The following TAGAP variants were observed in gnomAD, a reference collection of about 807,000 sequenced individuals.
The protein encoded by TAGAP is T cell activation RhoGTPase activating protein, also known as T-cell activation Rho GTPase-activating protein.
Under a neutral mutation model 36.0 loss-of-function variants are expected in TAGAP, and 16 were observed. The observed-to-expected ratio is 0.44, with a 90% CI of 0.30 to 0.68. The LOEUF (loss-of-function observed/expected upper bound fraction) is 0.68. TAGAP is among the 30% of genes least tolerant of loss of function. The probability of loss-of-function intolerance (pLI) is 0.09; values close to 1 mark genes in which losing one functional copy is unlikely to be tolerated. For missense variants in TAGAP, 794 were observed against 921.5 expected (o/e 0.86, Z 1.79); for synonymous variants, 372 against 377.4 (o/e 0.99, Z 0.17).
rs1046769287 is a variant in TAGAP, at chr6:159,036,253, A to G, written c.1770T>C (p.Pro590=). The G allele has an allele frequency of 3.1e-6, 5 of 1,611,994 alleles. No homozygotes were observed. The African/African-American group carries it at 5.4e-5, about 17-fold the overall frequency. The part of the protein sequence containing the change: ...DVFQGADWER[P]GSPPSYEEAM... Reference sequence around the variant, plus strand: ...CCTCTTCATAAGAGGGTGGGCTTCCAGGCCTCTCCCAGTCAGCTCCCTGGA... The same window carrying G: ...CCTCTTCATAAGAGGGTGGGCTTCCGGGCCTCTCCCAGTCAGCTCCCTGGA... The change falls in exon 10 of 10, where the codon CCT becomes CCC. Residue 590 remains proline (P), a synonymous_variant. Transcript: ENST00000367066. The surrounding 1 kb of genome is among the most constrained non-coding windows in gnomAD (Gnocchi z 4.9).
At chr6:159,044,503 A>G (rs142020118) in intron 1 of TAGAP, among the ~76,000 whole-genome samples, 48 of 152,328 alleles carry the variant, frequency 3.2e-4, no homozygotes, top group East Asian at 1.3e-3. Context: ...CGTTCCATCA[A>G]GAGATAATCT....
At position 159,036,262 on chromosome 6, in the gene TAGAP, C is replaced by T. The variant is rs1779531788; in HGVS notation, c.1761G>A (p.Trp587Ter). The change falls in exon 10 of 10, where the codon TGG (tryptophan) becomes TGA (stop). Residue 587 changes from tryptophan (W) to a stop codon, truncating the protein, a stop_gained. Transcript: ENST00000367066. LOFTEE classifies it low-confidence loss of function (END_TRUNC). This position sits in a 1 kb window ranked among gnomAD's most constrained non-coding sequence, Gnocchi z 4.9. Reference protein sequence around the residue: ...SVDDVFQGADWERPGSPPSYE... With the variant: ...SVDDVFQGAD Reference sequence around the variant, plus strand: ...AAGAGGGTGGGCTTCCAGGCCTCTCCCAGTCAGCTCCCTGGAACACATCAT... The same window carrying T: ...AAGAGGGTGGGCTTCCAGGCCTCTCTCAGTCAGCTCCCTGGAACACATCAT... The T allele has an allele frequency of 6.2e-7, 1 of 1,612,582 alleles. No individual in the cohort carries two copies. The highest frequency in any genetic ancestry group is 1.7e-5 in the Admixed American group (1 of 59,984).
chr6:159,042,468 C>G (rs557729491), intron 4 of TAGAP: 1 of 887,838 alleles, frequency 1.1e-6, no homozygotes, highest in East Asian at 3.0e-5. Flanking sequence ...GTTCCCTAAA[C>G]AGCAACACCA....
At chr6:159,038,565 T>G (rs1290756590) in intron 8 of TAGAP, among the ~76,000 whole-genome samples, 3 of 151,982 alleles carry the variant, frequency 2.0e-5, no homozygotes, top group Admixed American at 6.6e-5. Context: ...ATTTTTTCTA[T>G]TTTTAGTGGA....
rs1779524072 is a variant in TAGAP, at chr6:159,036,120, G to T, written c.1903C>A (p.Pro635Thr). Residue 635 changes from proline to threonine, a missense_variant, in exon 10 of 10, where the codon CCC becomes ACC. Transcript: ENST00000367066. This position sits in a 1 kb window ranked among gnomAD's most constrained non-coding sequence, Gnocchi z 4.9. ...ACGTGGTGAGCAGGTGGAAGAGGGG[G>T]TAGGAGGCAGTGCGCCTCCAGCATC... ...ARMLEAHCLLPPLPPAHHVED... is the reference protein window; with the variant it reads ...ARMLEAHCLLTPLPPAHHVED... 6.2e-7 allele frequency: 1 copy of T among 1,613,756 alleles called. No homozygotes were observed. Among genetic ancestry groups the T allele is most frequent in the Non-Finnish European group, 8.5e-7 (1 of 1,179,862 alleles).
At position 159,041,443 on chromosome 6, in the gene TAGAP, C is replaced by A; in HGVS notation, c.388G>T (p.Ala130Ser). 2 of 1,614,196 alleles carry A rather than the reference C, an allele frequency of 1.2e-6. No homozygotes were observed. Among genetic ancestry groups the A allele is most frequent in the Non-Finnish European group, 1.7e-6 (2 of 1,180,034 alleles). Residue 130 changes from alanine to serine, a missense_variant, in exon 6 of 10, where the codon GCC becomes TCC. By Grantham distance (99) the Ala-to-Ser change is moderately conservative (BLOSUM62 1). Transcript: ENST00000367066. This position sits in a 1 kb window ranked among gnomAD's most constrained non-coding sequence, Gnocchi z 4.1. The stretch of plus-strand genomic sequence containing the variant: ...AGCTCCTCCTTCAGCTCCTTACGGG[C>A]TTTCTCGTTGGCTGCTCTCCTGAAT... ...GIFRRAANEK[A>S]RKELKEELNS...
Position 159,041,023 on chromosome 6 carries a change from A to C in TAGAP, c.478-191T>G, listed in dbSNP as rs985000109. The C allele has an allele frequency of 1.0e-5, 6 of 590,864 alleles. No individual in the cohort carries two copies. The highest frequency in any genetic ancestry group is 6.1e-5 in the Admixed American group (2 of 32,644). The allele number at this position is 590,864 out of a possible 1,614,324, so 36.6% of individuals were successfully genotyped here. ...ACCCTTGGCCTCTCTGCAACTTTCT[A>C]ACATCAGGCAGAGTCAGAGGCACCA... On this transcript the variant is annotated intron_variant, in intron 6 of 9. Transcript: ENST00000367066. This position sits in a 1 kb window ranked among gnomAD's most constrained non-coding sequence, Gnocchi z 4.1.
intron 7 of TAGAP, among the ~76,000 whole-genome samples, chr6:159,040,046 T>G (rs187937967): frequency 5.7e-4 from 87 of 152,356 alleles, no homozygotes; most frequent in Non-Finnish European, 1.1e-3. Flanking sequence ...TTGAAAGTAT[T>G]TAGCCATGTG....
At chr6:159,042,476 C>A (rs1018471834) in intron 4 of TAGAP, 2 of 814,984 alleles carry the variant, frequency 2.5e-6, no homozygotes, top group African/African-American at 1.7e-5. Flanking sequence ...AACAGCAACA[C>A]CAGAGTTCCT....
rs4709264 is a variant in TAGAP at position 159,035,179 on chromosome 6, C to A, written c.*648G>T. On this transcript the variant is annotated 3_prime_UTR_variant, in exon 10 of 10. Coordinates refer to ENST00000367066, the MANE Select transcript of TAGAP (RefSeq NM_054114.5). ...TAATACATTTTCATTAATCTACCCACATTTAATTGGATGATTGAAAGGACA... is the reference window on the plus strand; with the variant it reads ...TAATACATTTTCATTAATCTACCCAAATTTAATTGGATGATTGAAAGGACA... 0.15 allele frequency: 23,106 copies of A among 152,260 alleles called. 2,268 individuals carry two copies. Among genetic ancestry groups the A allele is most frequent in the East Asian group, 0.39 (2,089 of 5,300 alleles). The allele number at this position is 152,260 out of a possible 1,614,324, so 9.4% of individuals were successfully genotyped here.
Position 159,036,637 on chromosome 6 carries a change from G to A in TAGAP, c.1386C>T (p.Ser462=). 5.0e-6 allele frequency: 8 copies of A among 1,614,154 alleles called. No individual in the cohort carries two copies. The highest frequency in any genetic ancestry group is 6.8e-6 in the Non-Finnish European group (8 of 1,180,002). Residue 462 remains serine (S), a synonymous_variant, in exon 10 of 10, where the codon AGC becomes AGT. Coordinates refer to ENST00000367066, the MANE Select transcript of TAGAP (RefSeq NM_054114.5). This position sits in a 1 kb window ranked among gnomAD's most constrained non-coding sequence, Gnocchi z 4.9. The part of the protein sequence containing the change: ...PRALVLKAFS[S]SSLDASSDSS... ...TGTCAGAGGACGCGTCCAGCGAGCT[G>A]CTGGAGAAGGCTTTGAGAACCAGTG...
chr6:159,035,651 C>T lies in TAGAP; in HGVS notation c.*176G>A. On this transcript the variant is annotated 3_prime_UTR_variant, in exon 10 of 10. Coordinates refer to ENST00000367066, the MANE Select transcript of TAGAP (RefSeq NM_054114.5). ...TTTACATATTGCACAAATCCAGGTA[C>T]ACAGAGACTATCTGATGCGCCATGG... 1 of 598,664 alleles carries T rather than the reference C, an allele frequency of 1.7e-6. No homozygotes were observed. The highest frequency in any genetic ancestry group is 3.0e-5 in the Admixed American group (1 of 32,804). The allele number at this position is 598,664 out of a possible 1,614,324, so 37.1% of individuals were successfully genotyped here.
chr6:159,037,995 C>T lies in TAGAP; in HGVS notation c.898+119G>A. The T allele has an allele frequency of 2.9e-6, 2 of 682,742 alleles. No homozygotes were observed. The highest frequency in any genetic ancestry group is 5.2e-6 in the Non-Finnish European group (2 of 386,132). The allele number at this position is 682,742 out of a possible 1,614,324, so 42.3% of individuals were successfully genotyped here. On this transcript the variant is annotated intron_variant, in intron 9 of 9. Transcript: ENST00000367066. This position sits in a 1 kb window ranked among gnomAD's most constrained non-coding sequence, Gnocchi z 5.1. Reference sequence around the variant, plus strand: ...ACTTCCTAATGGACTGGAGTCTAGTCTGACTCGGTGATTTGTGAAGGTAAC... The same window carrying T: ...ACTTCCTAATGGACTGGAGTCTAGTTTGACTCGGTGATTTGTGAAGGTAAC...
In TAGAP at chr6:159,039,150, G is replaced by T. The variant is rs1779659722; in HGVS notation, c.747C>A (p.Ser249Arg). 5.0e-6 allele frequency: 8 copies of T among 1,614,148 alleles called. No homozygotes were observed. The highest frequency in any genetic ancestry group is 4.4e-5 in the South Asian group (4 of 91,082). The change falls in exon 8 of 10, where the codon AGC becomes AGA. Residue 249 changes from serine to arginine, a missense_variant. Ser to Arg is a moderately radical substitution (Grantham distance 110, BLOSUM62 -1). Transcript: ENST00000367066. ...GGTCCTTCTGGGCTTCAAATGACAGGCTCTGGTCATTCTCCAGGGTGAGCA... is the reference window on the plus strand; with the variant it reads ...GGTCCTTCTGGGCTTCAAATGACAGTCTCTGGTCATTCTCCAGGGTGAGCA... ...PNMLTLENDQSLSFEAQKDLN... is the reference protein window; with the variant it reads ...PNMLTLENDQRLSFEAQKDLN...
chr6:159,042,337 A>G, intron 4 of TAGAP, 93 bp from the exon 5 acceptor site: 1 of 1,530,800 alleles, frequency 6.5e-7, no homozygotes. Context: ...TTGGCCGCAT[A>G]ATGTGGTCAA....
rs1402844719 is a variant in TAGAP, at chr6:159,035,660, T to C, written c.*167A>G. The C allele has an allele frequency of 1.6e-6, 1 of 616,274 alleles. No homozygotes were observed. Among genetic ancestry groups the C allele is most frequent in the East Asian group, 2.8e-5 (1 of 36,088 alleles). 38.2% of individuals were successfully genotyped at this position (616,274 alleles called of 1,614,324 possible). ...TGCACAAATCCAGGTACACAGAGAC[T>C]ATCTGATGCGCCATGGCCATGGTGT... is the stretch of plus-strand genomic sequence containing the variant. On this transcript the variant is annotated 3_prime_UTR_variant, in exon 10 of 10. Coordinates refer to ENST00000367066, the MANE Select transcript of TAGAP (RefSeq NM_054114.5).
In TAGAP at chr6:159,036,666, G is replaced by C; in HGVS notation, c.1357C>G (p.Arg453Gly). 6.2e-7 allele frequency: 1 copy of C among 1,613,994 alleles called. No individual in the cohort carries two copies. Reference sequence around the variant, plus strand: ...GAGAAGGCTTTGAGAACCAGTGCCCGCGGGAGCACCGAACCCGGGGCCAAG... The same window carrying C: ...GAGAAGGCTTTGAGAACCAGTGCCCCCGGGAGCACCGAACCCGGGGCCAAG... ...KNLAPGSVLP[R>G]ALVLKAFSSS... The change falls in exon 10 of 10, where the codon CGG becomes GGG. Residue 453 changes from arginine to glycine, a missense_variant. Coordinates refer to ENST00000367066, the MANE Select transcript of TAGAP (RefSeq NM_054114.5). The surrounding 1 kb of genome is among the most constrained non-coding windows in gnomAD (Gnocchi z 4.9).
rs1043859597 is a variant in TAGAP at position 159,044,987 on chromosome 6, G to A, written c.-167C>T. ...TAGTCCACTGGGAGAGAGAGAGACC[G>A]AGCCGGTCTCCCTTCACATGCTCTG... On this transcript the variant is annotated 5_prime_UTR_variant, in exon 1 of 10. Coordinates refer to ENST00000367066, the MANE Select transcript of TAGAP (RefSeq NM_054114.5). 11 of 398,388 alleles carry A rather than the reference G, an allele frequency of 2.8e-5. 1 individual carries two copies. In the South Asian group the frequency reaches 5.1e-4, roughly 18 times the overall value. The allele number at this position is 398,388 out of a possible 1,614,324, so 24.7% of individuals were successfully genotyped here.
rs776794079 is a variant in TAGAP at position 159,042,225 on chromosome 6, C to T, written c.168G>A (p.Lys56=). Residue 56 remains lysine, a synonymous_variant, in exon 5 of 10, where the codon AAG becomes AAA. Transcript: ENST00000367066. The stretch of plus-strand genomic sequence containing the variant: ...TCATGAGAAAGGGCCAGGACAGCAC[C>T]TTCTTTCTCTTCTTAACTTCTACAG... The part of the protein sequence containing the change: ...CQLIEVKKRK[K]VLSWPFLMRR... The T allele has an allele frequency of 1.2e-6, 2 of 1,611,832 alleles. No individual in the cohort carries two copies. Among genetic ancestry groups the T allele is most frequent in the East Asian group, 2.2e-5 (1 of 44,884 alleles).
Sources: allele counts gnomAD v4.1 joint callset (sites outside exome capture counted in the v4.1 genomes callset), GRCh38; gene constraint gnomAD v4.1.1; non-coding constraint Gnocchi (gnomAD v3.1); transcripts MANE v1.5; gene names NCBI Gene and HGNC (gene_info 2026-07-23, HGNC 2026-07-21).